Variants in FHL1 observed in about 807,000 individuals in gnomAD.
The protein encoded by FHL1 is four and a half LIM domains protein 1.
FHL1 carries 1 observed loss-of-function variant against 20.3 expected under a neutral mutation model. The ratio of observed to expected loss-of-function variants is 0.05; its 90% CI spans 0.02 to 0.23. The LOEUF (loss-of-function observed/expected upper bound fraction) is 0.23. Ranked by LOEUF, FHL1 falls within the 10% of genes least tolerant of loss-of-function variation. The probability of loss-of-function intolerance (pLI) is 1.00; values close to 1 mark genes in which losing one functional copy is unlikely to be tolerated. For missense variants in FHL1, 177 were observed against 234.0 expected, an observed-to-expected ratio of 0.76 and a Z score of 1.59; for synonymous variants, 82 against 88.9, an observed-to-expected ratio of 0.92 and a Z score of 0.44.
chrX:136,206,312 T>A, intron 1 of FHL1, 95 bp from the exon 2 acceptor site: 1 of 1,093,116 alleles, frequency 9.1e-7, no homozygotes. Context: ...CCCCATGGAC[T>A]CCAAGGCAGC....
rs1223400602 is a variant in FHL1 at position 136,210,938 on chromosome X, A to T, written c.*913A>T. The T allele has an allele frequency of 1.6e-5, 6 of 380,437 alleles. No homozygotes were observed. Among genetic ancestry groups the T allele is most frequent in the Non-Finnish European group, 2.5e-5 (5 of 202,140 alleles). 31.4% of individuals were successfully genotyped at this position (380,437 alleles called of 1,213,427 possible). A position where few individuals can be genotyped will look rare whatever the true frequency, so the allele number is the denominator to read the frequency against. Reference sequence around the variant, plus strand: ...TTCATCCTACGGAAGTAACCGCAAAACTCTAGAGGGGGAGTTGAGCAGGCG... The same window carrying T: ...TTCATCCTACGGAAGTAACCGCAAATCTCTAGAGGGGGAGTTGAGCAGGCG... On this transcript the variant is annotated 3_prime_UTR_variant, in exon 6 of 6. Transcript: ENST00000370683.
intron 1 of FHL1, among the ~76,000 whole-genome samples, chrX:136,162,722 A>G (rs920037344): frequency 1.1e-4 from 12 of 111,795 alleles, no homozygotes; most frequent in African/African-American, 3.9e-4. Context: ...TTGAGGCACA[A>G]TAAAGTCTGA....
intron 2 of FHL1, chrX:136,170,054 T>C: frequency 3.5e-6 from 1 of 287,240 alleles, no homozygotes; most frequent in Non-Finnish European, 6.6e-6. Flanking sequence ...GGGGCGGCAT[T>C]GTACAAAGGG....
rs770115595 is a variant in FHL1 at position 136,208,424 on chromosome X, T to C, written c.550-31T>C. ...GGCATTCAACAAAATGGTTGTTGAATCTGAATCCGGTGCTACACTCCCTGG... is the reference window on the plus strand; with the variant it reads ...GGCATTCAACAAAATGGTTGTTGAACCTGAATCCGGTGCTACACTCCCTGG... On this transcript the variant is annotated intron_variant, in intron 4 of 5. Coordinates refer to ENST00000370683, the MANE Select transcript of FHL1 (RefSeq NM_001159699.2). The C allele has an allele frequency of 1.1e-5, 13 of 1,207,024 alleles. No individual in the cohort carries two copies. The South Asian group carries it at 1.2e-4, about 11-fold the overall frequency.
chrX:136,146,986 C>A (rs186213962), upstream of FHL1: 3 of 318,333 alleles, frequency 9.4e-6, no homozygotes, highest in African/African-American at 8.1e-5. Context: ...GGCCCCGAAG[C>A]GGGGCCGCTT....
intron 3 of FHL1, 53 bp downstream of exon 3, chrX:136,207,243 C>T (rs890494645): frequency 3.5e-5 from 39 of 1,129,274 alleles, no homozygotes; most frequent in Middle Eastern, 5.0e-4. Flanking sequence ...TGAGGGCAGA[C>T]GTGATGTGGG....
chrX:136,162,366 C>A (rs753054335), intron 1 of FHL1, among the ~76,000 whole-genome samples: 1 of 111,405 alleles, frequency 9.0e-6, no homozygotes, highest in Non-Finnish European at 1.9e-5. Context: ...TGAACGAGAT[C>A]ATCTCTAAGA....
chrX:136,149,326 T>C (rs1028741139), intron 1 of FHL1, among the ~76,000 whole-genome samples: 3 of 112,508 alleles, frequency 2.7e-5, no homozygotes, highest in African/African-American at 9.7e-5. Context: ...CATGTTCATG[T>C]TTGCTTAAGA....
chrX:136,154,035 C>CTA (rs1320191718), intron 1 of FHL1, among the ~76,000 whole-genome samples: 1 of 111,870 alleles, frequency 8.9e-6, no homozygotes, highest in Non-Finnish European at 1.9e-5. Context: ...CTAAAAGAGG[C>CTA]TGTTAGTACC....
At chrX:136,190,196 T>C (rs2073400677) in intron 2 of FHL1, among the ~76,000 whole-genome samples, 2 of 111,877 alleles carry the variant, frequency 1.8e-5, no homozygotes, top group Admixed American at 9.5e-5. Flanking sequence ...TCTGCTCCTC[T>C]AGCTGCAGAC....
chrX:136,151,976 A>G (rs2072276204), intron 1 of FHL1, among the ~76,000 whole-genome samples: 1 of 112,177 alleles, frequency 8.9e-6, no homozygotes, highest in Non-Finnish European at 1.9e-5. Flanking sequence ...AAGCACAACT[A>G]TGCATTATCT....
At chrX:136,192,317 T>G (rs1457901457), upstream of FHL1, among the ~76,000 whole-genome samples, 1 of 111,897 alleles carries the variant, frequency 8.9e-6, no homozygotes, top group East Asian at 2.8e-4. Context: ...GGATAGTTCC[T>G]ACCTCTTGGT....
At chrX:136,169,346 G>T (rs1200192195), upstream of FHL1, 3 of 143,180 alleles carry the variant, frequency 2.1e-5, no homozygotes, top group Non-Finnish European at 4.1e-5. Flanking sequence ...GAGCCTGCCC[G>T]CTAGTCTGCA....
rs748842577 is a variant in FHL1, at chrX:136,155,571, A to G, written c.-101+7943A>G. 1.3e-4 allele frequency among the ~76,000 whole-genome samples: 14 copies of G among 111,607 alleles called. No homozygotes were observed. In the South Asian group the frequency reaches 4.2e-3, roughly 33 times the overall value. On this transcript the variant is annotated intron_variant, in intron 1 of 7. Transcript: ENST00000394155. ...AAGTGAGAGAATTGTACTCTTGCCT[A>G]GGGGTGTATTTTTAAGTAGTTTTTG...
At chrX:136,151,260 G>A (rs747079608) in intron 1 of FHL1, among the ~76,000 whole-genome samples, 1 of 99,911 alleles carries the variant, frequency 1.0e-5, no homozygotes, top group Admixed American at 1.1e-4. Context: ...AGTGCCTGGC[G>A]GCAAACAAAA....
upstream of FHL1, chrX:136,196,853 T>C (rs1401608328): frequency 8.6e-7 from 1 of 1,166,011 alleles, no homozygotes; most frequent in South Asian, 1.9e-5. Flanking sequence ...GGATGCTGAG[T>C]AGCCCCGCAG....
rs181326682 is a variant in FHL1, at chrX:136,205,263, G to T, written c.23-1144G>T. ...GCCTTAGTAATGCTTGGGATTGCAG[G>T]CGTGTTGTCTAGGGCCACAGCCGGG... On this transcript the variant is annotated intron_variant, in intron 1 of 5. Coordinates refer to ENST00000370683, the MANE Select transcript of FHL1 (RefSeq NM_001159699.2). Among the ~76,000 whole-genome samples, 5 of 111,654 alleles carry T rather than the reference G, an allele frequency of 4.5e-5. No individual in the cohort carries two copies. The East Asian group carries it at 1.4e-3, about 31-fold the overall frequency.
chrX:136,184,657 G>T (rs767210142), intron 2 of FHL1, among the ~76,000 whole-genome samples: 21 of 111,349 alleles, frequency 1.9e-4, no homozygotes, highest in African/African-American at 6.8e-4. Flanking sequence ...ACAAAGACCT[G>T]CCACTAGATT....
At chrX:136,166,565 G>A (rs1053133862), upstream of FHL1, among the ~76,000 whole-genome samples, 10 of 111,868 alleles carry the variant, frequency 8.9e-5, no homozygotes, top group Non-Finnish European at 1.9e-4. Context: ...TTGGCAAGGT[G>A]GGAATCTTAG....
Sources: allele counts gnomAD v4.1 joint callset (sites outside exome capture counted in the v4.1 genomes callset), GRCh38; gene constraint gnomAD v4.1.1; transcripts MANE v1.5; gene names NCBI Gene and HGNC (gene_info 2026-07-23, HGNC 2026-07-21).